COL8A1: variants seen among roughly 807,000 people sequenced by gnomAD.
COL8A1 encodes collagen alpha-1(VIII) chain.
COL8A1 carries 21 observed loss-of-function variants against 42.7 expected under a neutral mutation model. The ratio of observed to expected loss-of-function variants is 0.49; its 90% CI spans 0.35 to 0.71. The LOEUF (loss-of-function observed/expected upper bound fraction) is 0.71, where lower values mean the gene tolerates loss of function less well. COL8A1 is among the 30% of genes least tolerant of loss of function. COL8A1 has a pLI of 0.01. For missense variants in COL8A1, 788 were observed against 962.4 expected (o/e 0.82, Z 2.40); for synonymous variants, 367 against 369.1 (o/e 0.99, Z 0.06).
intron 2 of COL8A1, among the ~76,000 whole-genome samples, chr3:99,747,872 C>G (rs1326443907): frequency 1.3e-5 from 2 of 152,064 alleles, no homozygotes; most frequent in Non-Finnish European, 2.9e-5. Context: ...TATGAATAGC[C>G]TTTAGCTGAA....
intron 1 of COL8A1, among the ~76,000 whole-genome samples, chr3:99,664,082 A>G (rs1055381779): frequency 6.6e-6 from 1 of 152,190 alleles, no homozygotes; most frequent in Non-Finnish European, 1.5e-5. Flanking sequence ...CATGGGACCA[A>G]AGTGGAATTT....
rs554948032 is a variant in COL8A1 at position 99,656,009 on chromosome 3, C to T, written c.-129+17345C>T. On this transcript the variant is annotated intron_variant, in intron 1 of 3. Transcript: ENST00000652472. ...TTCACTGTGGACACAAATAGTTGTA[C>T]GATTTGAGGACATCTTTAAAAGAAT... Among the ~76,000 whole-genome samples the T allele has an allele frequency of 1.3e-4, 20 of 152,196 alleles. No homozygotes were observed. The South Asian group carries it at 3.7e-3, about 28-fold the overall frequency.
In COL8A1 at chr3:99,795,510, G is replaced by C; in HGVS notation, c.1609G>C (p.Val537Leu). The change falls in exon 4 of 4, where the codon GTG becomes CTG. Residue 537 changes from valine (V) to leucine (L), a missense_variant. Transcript: ENST00000652472. ...GTTCCCTGGTATAGGGAAACCCGGA[G>C]TGGCAGGACTTCATGGCCCCCCAGG... is the stretch of plus-strand genomic sequence containing the variant. ...PGFPGIGKPG[V>L]AGLHGPPGKP... The C allele has an allele frequency of 6.3e-7, 1 of 1,591,312 alleles. No homozygotes were observed. Among genetic ancestry groups the C allele is most frequent in the Non-Finnish European group, 8.6e-7 (1 of 1,169,176 alleles).
intron 1 of COL8A1, among the ~76,000 whole-genome samples, chr3:99,742,608 T>C (rs1222853583): frequency 1.3e-5 from 2 of 152,248 alleles, no homozygotes; most frequent in African/African-American, 4.8e-5. Flanking sequence ...AAAGAACCTC[T>C]TTTAAAAATA....
intron 1 of COL8A1, chr3:99,679,757 A>G (rs1387406853): frequency 6.6e-6 from 1 of 152,210 alleles, no homozygotes; most frequent in Non-Finnish European, 1.5e-5. Flanking sequence ...ATTTGTAGAA[A>G]AGGTTCAATC....
At chr3:99,715,003 T>C (rs906414347) in intron 1 of COL8A1, among the ~76,000 whole-genome samples, 1 of 152,006 alleles carries the variant, frequency 6.6e-6, no homozygotes, top group African/African-American at 2.4e-5. Context: ...CTTGGTGTGT[T>C]TCGGGAATAG....
chr3:99,764,598 A>T (rs1447270509), intron 2 of COL8A1, among the ~76,000 whole-genome samples: 1 of 152,072 alleles, frequency 6.6e-6, no homozygotes, highest in Admixed American at 6.6e-5. Context: ...GATTTTTGAC[A>T]TGCTATTTAA....
At chr3:99,668,432 A>G (rs1482811454) in intron 1 of COL8A1, among the ~76,000 whole-genome samples, 1 of 152,194 alleles carries the variant, frequency 6.6e-6, no homozygotes, top group Non-Finnish European at 1.5e-5. Context: ...AGTGAAAAAT[A>G]CACTATTCTT....
chr3:99,790,664 T>C lies in COL8A1; in HGVS notation c.-3-16T>C, dbSNP rs761513909. ...TGCAGAGTTTCACCAAGTTGGTGCA[T>C]TGGTTCCTCCCACAGGTGATGGCTG... On this transcript the variant is annotated splice_polypyrimidine_tract_variant and intron_variant, in intron 2 of 3. Coordinates refer to ENST00000652472, the MANE Select transcript of COL8A1 (RefSeq NM_020351.4). 1.9e-6 allele frequency: 3 copies of C among 1,607,576 alleles called. No individual in the cohort carries two copies. Among genetic ancestry groups the C allele is most frequent in the African/African-American group, 1.3e-5 (1 of 74,930 alleles).
At chr3:99,660,639 G>A (rs1303951141) in intron 1 of COL8A1, among the ~76,000 whole-genome samples, 1 of 152,064 alleles carries the variant, frequency 6.6e-6, no homozygotes, top group Non-Finnish European at 1.5e-5. Flanking sequence ...AATTGGGGTG[G>A]ACTTATTTAC....
chr3:99,766,369 A>G (rs926808335), intron 2 of COL8A1, among the ~76,000 whole-genome samples: 1 of 152,176 alleles, frequency 6.6e-6, no homozygotes, highest in African/African-American at 2.4e-5. Context: ...ATGATCCCCA[A>G]TCACTGAGGC....
chr3:99,655,101 C>T (rs944554352), intron 1 of COL8A1, among the ~76,000 whole-genome samples: 6 of 152,216 alleles, frequency 3.9e-5, no homozygotes, highest in South Asian at 2.1e-4. Context: ...AACAAATGCA[C>T]GGGGAATGTG....
At chr3:99,676,432 T>C (rs1185016096) in intron 1 of COL8A1, among the ~76,000 whole-genome samples, 8 of 152,050 alleles carry the variant, frequency 5.3e-5, no homozygotes, top group Admixed American at 3.9e-4. Flanking sequence ...ACTAGAAGAA[T>C]GGTTTAGGAT....
At chr3:99,733,976 G>T (rs1276016094) in intron 1 of COL8A1, among the ~76,000 whole-genome samples, 2 of 151,910 alleles carry the variant, frequency 1.3e-5, no homozygotes, top group Non-Finnish European at 2.9e-5. Flanking sequence ...CATGTCCTTC[G>T]CCCACTTTTT....
At chr3:99,771,430 G>C (rs1941579163) in intron 2 of COL8A1, among the ~76,000 whole-genome samples, 1 of 152,202 alleles carries the variant, frequency 6.6e-6, no homozygotes, top group African/African-American at 2.4e-5. Flanking sequence ...TGCAATGACT[G>C]AGAAGTCATT....
chr3:99,768,253 C>G (rs1466260029), intron 2 of COL8A1, among the ~76,000 whole-genome samples: 1 of 152,168 alleles, frequency 6.6e-6, no homozygotes. Flanking sequence ...TCCAAATCAC[C>G]TGGTCTGATT....
intron 2 of COL8A1, among the ~76,000 whole-genome samples, chr3:99,773,835 A>AT (rs1300546434): frequency 0.024 from 1,717 of 70,150 alleles, 50 homozygotes; most frequent in Non-Finnish European, 0.03. Flanking sequence ...ATATATATAT[A>AT]TATTTTTTTT....
At chr3:99,650,410 T>C (rs766005004) in intron 1 of COL8A1, among the ~76,000 whole-genome samples, 4 of 152,188 alleles carry the variant, frequency 2.6e-5, no homozygotes, top group African/African-American at 9.7e-5. Flanking sequence ...ACTAGCCATG[T>C]ATGGCTACTA....
intron 2 of COL8A1, among the ~76,000 whole-genome samples, chr3:99,760,442 TAGAA>T (rs1473723130): frequency 6.6e-6 from 1 of 152,172 alleles, no homozygotes; most frequent in Admixed American, 6.5e-5. Flanking sequence ...GAACTTCAGC[TAGAA>T]AGAATTTTGC....
Sources: allele counts gnomAD v4.1 joint callset (sites outside exome capture counted in the v4.1 genomes callset), GRCh38; gene constraint gnomAD v4.1.1; transcripts MANE v1.5; gene names NCBI Gene and HGNC (gene_info 2026-07-23, HGNC 2026-07-21).